Variants in ZDHHC19 observed in about 807,000 individuals in gnomAD.
The protein encoded by ZDHHC19 is zDHHC palmitoyltransferase 19, also known as palmitoyltransferase ZDHHC19.
In ZDHHC19, 30 loss-of-function variants were observed where a neutral mutation model predicts 33.9. The observed-to-expected ratio is 0.88, with a 90% CI of 0.66 to 1.20. The LOEUF is 1.20. ZDHHC19 is among the 50% of genes most tolerant of loss of function. The pLI, the probability that ZDHHC19 is intolerant of heterozygous loss-of-function variation, is 0.00. For synonymous variants in ZDHHC19, 178 were observed against 167.6 expected (o/e 1.06, Z -0.48); for missense variants, 364 against 401.1 (o/e 0.91, Z 0.79).
chr3:196,208,621 C>A, intron 3 of ZDHHC19, 61 bp from the exon 4 acceptor site: 1 of 1,567,724 alleles, frequency 6.4e-7, no homozygotes, highest in Non-Finnish European at 8.7e-7. Context: ...ATTCCATCAC[C>A]CCAAATCCTG....
chr3:196,210,268 G>GAGAAAGAAAGAA (rs59234849), intron 2 of ZDHHC19, among the ~76,000 whole-genome samples: 1,523 of 119,266 alleles, frequency 0.013, 25 homozygotes, highest in African/African-American at 0.029. Flanking sequence ...AGAAAGAAAA[G>GAGAAAGAAAGAA]AGAAAGAAAG....
rs112545544 is a variant in ZDHHC19 at position 196,200,268 on chromosome 3, C to G, written c.688-1394G>C. Among the ~76,000 whole-genome samples the G allele has an allele frequency of 1.6e-3, 241 of 150,058 alleles. 3 individuals are homozygous for G. Among genetic ancestry groups the G allele is most frequent in the Middle Eastern group, 0.01 (3 of 288 alleles). The stretch of plus-strand genomic sequence containing the variant: ...CCAGCCTGAATGACAGAGTGGGACC[C>G]TGTCTCTAGAAAAACTAAAATCTAA... On this transcript the variant is annotated intron_variant, in intron 5 of 7. Coordinates refer to ENST00000296326, the MANE Select transcript of ZDHHC19 (RefSeq NM_001039617.2).
At chr3:196,202,348 G>A (rs905292404) in intron 5 of ZDHHC19, 1 of 152,184 alleles carries the variant, frequency 6.6e-6, no homozygotes, top group Admixed American at 6.5e-5. Context: ...AAAGTTCCAA[G>A]GGCTGGTCTG....
chr3:196,209,575 C>T (rs4916502), intron 2 of ZDHHC19, 60 bp from the exon 3 acceptor site: 861,039 of 1,568,212 alleles, frequency 0.55, 237,283 homozygotes, highest in African/African-American at 0.63. Context: ...GCGGCGGGGG[C>T]AGCTCCACGG....
chr3:196,204,594 G>A (rs73083213), intron 5 of ZDHHC19, among the ~76,000 whole-genome samples: 2,356 of 152,212 alleles, frequency 0.015, 62 homozygotes, highest in African/African-American at 0.054. Flanking sequence ...TGGCAAAGAA[G>A]AACATGAAAA....
intron 7 of ZDHHC19, among the ~76,000 whole-genome samples, chr3:196,198,071 T>A (rs1721935075): frequency 6.6e-6 from 1 of 152,156 alleles, no homozygotes; most frequent in South Asian, 2.1e-4. Flanking sequence ...TTTGTCTTTG[T>A]GACTCCAGGG....
chr3:196,200,113 T>TA (rs931790719), intron 5 of ZDHHC19, among the ~76,000 whole-genome samples: 10 of 150,780 alleles, frequency 6.6e-5, no homozygotes, highest in Non-Finnish European at 1.3e-4. Flanking sequence ...CTTTCATCTC[T>TA]AAAAAAATAA....
In ZDHHC19 at chr3:196,199,824, G is replaced by T. The variant is rs113772451; in HGVS notation, c.688-950C>A. On this transcript the variant is annotated intron_variant, in intron 5 of 7. Transcript: ENST00000296326. ...GCCAGGCGTGGTGGCGGGTGCCTGTGATCCCAGCTACTCGGGAGGCTGAGA... is the reference window on the plus strand; with the variant it reads ...GCCAGGCGTGGTGGCGGGTGCCTGTTATCCCAGCTACTCGGGAGGCTGAGA... Among the ~76,000 whole-genome samples the T allele has an allele frequency of 3.0e-4, 45 of 151,594 alleles. 2 individuals are homozygous for T. The highest frequency in any genetic ancestry group is 1.0e-3 in the African/African-American group (43 of 41,036).
At chr3:196,208,315 A>G (rs1487607308) in intron 4 of ZDHHC19, 73 bp downstream of exon 4, 4 of 895,964 alleles carry the variant, frequency 4.5e-6, no homozygotes, top group Non-Finnish European at 6.1e-6. Flanking sequence ...CCCCGCCCCC[A>G]TAGCCCCGCC....
chr3:196,201,447 G>T (rs1175508932), intron 5 of ZDHHC19, among the ~76,000 whole-genome samples: 1 of 151,044 alleles, frequency 6.6e-6, no homozygotes, highest in Non-Finnish European at 1.5e-5. Flanking sequence ...TCTTGGCCGG[G>T]CACCGTGGCT....
chr3:196,200,364 T>TA (rs1245358949), intron 5 of ZDHHC19, among the ~76,000 whole-genome samples: 1 of 140,464 alleles, frequency 7.1e-6, no homozygotes, highest in Non-Finnish European at 1.5e-5. Flanking sequence ...ATATAATTTT[T>TA]TTTTTTTTGA....
rs1283822843 is a variant in ZDHHC19, at chr3:196,211,244, C to G, written c.72G>C (p.Trp24Cys). The G allele has an allele frequency of 6.2e-7, 1 of 1,614,124 alleles. No homozygotes were observed. Among genetic ancestry groups the G allele is most frequent in the African/African-American group, 1.3e-5 (1 of 75,032 alleles). Residue 24 changes from tryptophan (W) to cysteine (C), a missense_variant, in exon 1 of 8, where the codon TGG becomes TGC. Trp to Cys is a radical substitution (Grantham distance 215). Transcript: ENST00000296326. ...PHPLPLVPRPWFLPSLFAAFN... is the reference protein window; with the variant it reads ...PHPLPLVPRPCFLPSLFAAFN... ...AGGCAGCAAAGAGGCTAGGGAGGAA[C>G]CAGGGACGTGGGACCAGAGGCAGGG...
At chr3:196,208,357 T>G in intron 4 of ZDHHC19, 31 bp downstream of exon 4, 1 of 1,433,058 alleles carries the variant, frequency 7.0e-7, no homozygotes, top group Non-Finnish European at 9.4e-7. Context: ...TGTCCCCGCC[T>G]CCTCTCCTGC....
intron 3 of ZDHHC19, 181 bp from the exon 4 acceptor site, chr3:196,208,741 G>A (rs1438786406): frequency 5.9e-6 from 4 of 678,512 alleles, no homozygotes; most frequent in African/African-American, 1.8e-5. Context: ...TCCCTTGTTA[G>A]AGCACAGTTA....
At chr3:196,198,214 A>C in intron 7 of ZDHHC19, 62 bp downstream of exon 7, 2 of 1,382,398 alleles carry the variant, frequency 1.4e-6, no homozygotes, top group Non-Finnish European at 9.4e-7. Flanking sequence ...CCACACCCTC[A>C]CAACCTGCAG....
chr3:196,202,626 G>A (rs541845739), intron 5 of ZDHHC19, among the ~76,000 whole-genome samples: 1 of 152,324 alleles, frequency 6.6e-6, no homozygotes, highest in Admixed American at 6.5e-5. Context: ...AGCCGCGCAG[G>A]AGGCCAGAGG....
At chr3:196,209,219 C>T (rs770502330) in intron 3 of ZDHHC19, 157 bp downstream of exon 3, 28 of 1,049,312 alleles carry the variant, frequency 2.7e-5, no homozygotes, top group Non-Finnish European at 3.4e-5. Flanking sequence ...GTGGAGAACA[C>T]ATGAGTGACC....
At chr3:196,205,487 A>T (rs1335987986) in intron 5 of ZDHHC19, among the ~76,000 whole-genome samples, 1 of 152,166 alleles carries the variant, frequency 6.6e-6, no homozygotes, top group East Asian at 1.9e-4. Flanking sequence ...AGGTAGGGGG[A>T]GAAATTGACT....
rs556609430 is a variant in ZDHHC19 at position 196,202,905 on chromosome 3, T to G, written c.688-4031A>C. Among the ~76,000 whole-genome samples the G allele has an allele frequency of 7.9e-4, 120 of 151,952 alleles. 1 individual carries two copies. The highest frequency in any genetic ancestry group is 4.2e-3 in the South Asian group (20 of 4,804). On this transcript the variant is annotated intron_variant, in intron 5 of 7. Transcript: ENST00000296326. The stretch of plus-strand genomic sequence containing the variant: ...GCAGCGGGAGTGGAGGCTGGCGATG[T>G]TAAGGGAGGGTTTTGCTTTGCTTTT...
Sources: allele counts gnomAD v4.1 joint callset (sites outside exome capture counted in the v4.1 genomes callset), GRCh38; gene constraint gnomAD v4.1.1; transcripts MANE v1.5; gene names NCBI Gene and HGNC (gene_info 2026-07-23, HGNC 2026-07-21).